GMDS: variants seen among roughly 807,000 people sequenced by gnomAD.
GMDS encodes GDP-mannose 4,6-dehydratase.
GMDS carries 20 observed loss-of-function variants against 49.9 expected under a neutral mutation model. That is an observed-to-expected ratio of 0.40 (90% CI 0.28 to 0.58). The LOEUF (loss-of-function observed/expected upper bound fraction) is 0.58, where lower values mean the gene tolerates loss of function less well. GMDS is among the 20% of genes least tolerant of loss of function. The pLI is 0.42. For synonymous variants in GMDS, 177 were observed against 178.6 expected (o/e 0.99, Z 0.07); for missense variants, 362 against 481.4 (o/e 0.75, Z 2.32).
chr6:1,877,176 C>T (rs375575897), intron 7 of GMDS, among the ~76,000 whole-genome samples: 14 of 151,964 alleles, frequency 9.2e-5, no homozygotes, highest in African/African-American at 2.7e-4. Context: ...ACAGAAGTCT[C>T]GGTGTGCTGT....
At chr6:1,849,261 G>A (rs993352776) in intron 7 of GMDS, among the ~76,000 whole-genome samples, 2 of 152,284 alleles carry the variant, frequency 1.3e-5, no homozygotes, top group South Asian at 4.1e-4. Flanking sequence ...TAAACATTTA[G>A]TAAATAAATT....
At chr6:1,678,729 G>A (rs1483343521) in intron 9 of GMDS, among the ~76,000 whole-genome samples, 3 of 152,162 alleles carry the variant, frequency 2.0e-5, no homozygotes, top group Non-Finnish European at 2.9e-5. Flanking sequence ...AATAAACTTT[G>A]TAATTATCTT....
chr6:1,903,303 A>G (rs1255173828), intron 7 of GMDS, among the ~76,000 whole-genome samples: 1 of 152,210 alleles, frequency 6.6e-6, no homozygotes, highest in Non-Finnish European at 1.5e-5. Flanking sequence ...TTCCTACTTC[A>G]AATGCAGTAC....
chr6:2,025,183 ACAACT>A (rs1380280635), intron 4 of GMDS, among the ~76,000 whole-genome samples: 7 of 152,124 alleles, frequency 4.6e-5, no homozygotes, highest in Admixed American at 2.6e-4. Flanking sequence ...ACAGAAGAAA[ACAACT>A]CAAAGAAAGA....
intron 4 of GMDS, among the ~76,000 whole-genome samples, chr6:1,980,161 G>A (rs114109127): frequency 6.6e-6 from 1 of 152,110 alleles, no homozygotes; most frequent in Non-Finnish European, 1.5e-5. Context: ...TAACCAGCTA[G>A]TATCATGACA....
At chr6:2,044,908 C>T (rs780935030) in intron 4 of GMDS, among the ~76,000 whole-genome samples, 2 of 151,538 alleles carry the variant, frequency 1.3e-5, no homozygotes, top group Non-Finnish European at 2.9e-5. Flanking sequence ...GTGTTTTTTT[C>T]AGGCCTTTGA....
chr6:2,003,597 A>G (rs576429216), intron 4 of GMDS, among the ~76,000 whole-genome samples: 5 of 152,316 alleles, frequency 3.3e-5, no homozygotes, highest in Admixed American at 2.6e-4. Context: ...ACGACTGAAG[A>G]GCTGCACAGG....
rs529646165 is a variant in GMDS at position 2,000,531 on chromosome 6, G to A, written c.346-39565C>T. ...TATTTTGGACATTTCATGTAAATGT[G>A]GTCTTTTGTAAGCTACCTCTTTCGA... is the stretch of plus-strand genomic sequence containing the variant. On this transcript the variant is annotated intron_variant, in intron 4 of 10. Coordinates refer to ENST00000380815, the MANE Select transcript of GMDS (RefSeq NM_001500.4). Among the ~76,000 whole-genome samples, 5 of 151,944 alleles carry A rather than the reference G, an allele frequency of 3.3e-5. No individual in the cohort carries two copies. In the South Asian group the frequency reaches 1.0e-3, roughly 32 times the overall value.
intron 4 of GMDS, among the ~76,000 whole-genome samples, chr6:2,112,927 A>G (rs1435392379): frequency 9.9e-5 from 15 of 151,982 alleles, no homozygotes; most frequent in Non-Finnish European, 4.4e-5. Context: ...TGTTTCCAAG[A>G]TTCAATCTTC....
chr6:2,171,627 T>G (rs1411166887), intron 1 of GMDS, among the ~76,000 whole-genome samples: 1 of 152,182 alleles, frequency 6.6e-6, no homozygotes, highest in East Asian at 1.9e-4. Context: ...AACAAAATTG[T>G]GCTTGCTGCA....
At position 1,723,329 on chromosome 6, in the gene GMDS, A is replaced by AT. The variant is rs10717511; in HGVS notation, c.987+3086dup. On this transcript the variant is annotated intron_variant, in intron 9 of 10. Coordinates refer to ENST00000380815, the MANE Select transcript of GMDS (RefSeq NM_001500.4). Reference sequence around the variant, plus strand: ...TTTTTTTTCAAATTTTCTTTATGGCATTTTTTTTTTTTTTTTAGACGGAGT... The same window carrying AT: ...TTTTTTTTCAAATTTTCTTTATGGCATTTTTTTTTTTTTTTTTAGACGGAGT... 1.9e-3 allele frequency among the ~76,000 whole-genome samples: 191 copies of AT among 100,428 alleles called. 1 individual carries two copies. The highest frequency in any genetic ancestry group is 5.1e-3 in the Middle Eastern group (1 of 198). 65.9% of individuals were successfully genotyped at this position (100,428 alleles called of 152,430 possible).
chr6:1,660,607 C>T (rs572696287), intron 9 of GMDS, among the ~76,000 whole-genome samples: 2 of 151,372 alleles, frequency 1.3e-5, no homozygotes, highest in South Asian at 2.1e-4. Context: ...ATCACACCTC[C>T]GGTTCAAGTA....
chr6:1,970,221 G>A (rs1056959140), intron 4 of GMDS, among the ~76,000 whole-genome samples: 2 of 152,228 alleles, frequency 1.3e-5, no homozygotes, highest in Admixed American at 1.3e-4. Context: ...GGAGGCTCAT[G>A]ATACCAGTGA....
intron 7 of GMDS, among the ~76,000 whole-genome samples, chr6:1,904,152 G>C (rs1427393497): frequency 6.6e-6 from 1 of 152,176 alleles, no homozygotes; most frequent in Non-Finnish European, 1.5e-5. Flanking sequence ...GAAGAGAATG[G>C]CTTCTGAGAA....
intron 4 of GMDS, among the ~76,000 whole-genome samples, chr6:2,054,336 A>T (rs1230407275): frequency 6.6e-6 from 1 of 152,164 alleles, no homozygotes; most frequent in Non-Finnish European, 1.5e-5. Flanking sequence ...CAACAATAAC[A>T]AAACTAGCTA....
chr6:2,144,309 T>A (rs1180546093), intron 1 of GMDS, among the ~76,000 whole-genome samples: 1 of 152,142 alleles, frequency 6.6e-6, no homozygotes, highest in Admixed American at 6.5e-5. Flanking sequence ...CAGCTGATTG[T>A]CCTCAGTGAT....
At chr6:2,106,058 C>T (rs943858602) in intron 4 of GMDS, among the ~76,000 whole-genome samples, 5 of 152,142 alleles carry the variant, frequency 3.3e-5, no homozygotes, top group African/African-American at 9.7e-5. Flanking sequence ...AATCTAAATT[C>T]GCTGTGGATT....
chr6:2,219,031 A>C (rs914115414), intron 1 of GMDS, among the ~76,000 whole-genome samples: 30 of 152,148 alleles, frequency 2.0e-4, no homozygotes, highest in Admixed American at 1.8e-3. Flanking sequence ...CAGGAGGTCA[A>C]GGCTGAAGTG....
chr6:2,107,095 G>A (rs1215639527), intron 4 of GMDS, among the ~76,000 whole-genome samples: 8 of 152,126 alleles, frequency 5.3e-5, no homozygotes, highest in Non-Finnish European at 1.2e-4. Flanking sequence ...CATTAAGGGT[G>A]AAAAACCCAA....
Sources: allele counts gnomAD v4.1 joint callset (sites outside exome capture counted in the v4.1 genomes callset), GRCh38; gene constraint gnomAD v4.1.1; transcripts MANE v1.5; gene names NCBI Gene and HGNC (gene_info 2026-07-23, HGNC 2026-07-21).